The following ERBB4 variants were observed in gnomAD, a reference collection of about 807,000 sequenced individuals.
ERBB4 encodes erb-b2 receptor tyrosine kinase 4, also known as receptor tyrosine-protein kinase erbB-4.
A neutral mutation model predicts 158.0 loss-of-function variants in ERBB4; 42 were observed. The ratio of observed to expected loss-of-function variants is 0.27; its 90% CI spans 0.21 to 0.34. The LOEUF is 0.34. Ranked by LOEUF, ERBB4 falls within the 10% of genes least tolerant of loss-of-function variation. ERBB4 has a pLI of 1.00. For missense variants in ERBB4, 1,333 were observed against 1,624.1 expected (o/e 0.82, Z 3.08); for synonymous variants, 583 against 558.7 (o/e 1.04, Z -0.61).
chr2:212,439,663 G>T (rs745567441), intron 1 of ERBB4, among the ~76,000 whole-genome samples: 1 of 152,050 alleles, frequency 6.6e-6, no homozygotes, highest in African/African-American at 2.4e-5. Context: ...ACAATAATGC[G>T]ATACAAAGTT....
At chr2:212,285,806 AG>A (rs1460251948) in intron 1 of ERBB4, among the ~76,000 whole-genome samples, 1 of 152,170 alleles carries the variant, frequency 6.6e-6, no homozygotes, top group East Asian at 1.9e-4. Context: ...TTGGTATTCG[AG>A]TAGAATAGAT....
At chr2:211,954,942 T>C (rs764607772) in intron 2 of ERBB4, among the ~76,000 whole-genome samples, 6 of 152,066 alleles carry the variant, frequency 3.9e-5, no homozygotes, top group African/African-American at 7.2e-5. Context: ...GTAGAGATAG[T>C]ATGTTTGCTT....
chr2:211,377,946 C>G lies in ERBB4; in HGVS notation c.*5669G>C, dbSNP rs2062507238. On this transcript the variant is annotated 3_prime_UTR_variant, in exon 28 of 28. Transcript: ENST00000342788. ...TTTGATAGTTCACTTAAACAGTGTC[C>G]AAATTGCTAGAATCTCTTATGAAAA... 1 of 232,648 alleles carries G rather than the reference C, an allele frequency of 4.3e-6. No homozygotes were observed. The highest frequency in any genetic ancestry group is 5.6e-5 in the Admixed American group (1 of 17,722). 14.4% of individuals were successfully genotyped at this position (232,648 alleles called of 1,614,324 possible).
intron 2 of ERBB4, among the ~76,000 whole-genome samples, chr2:212,002,677 T>A (rs1043499316): frequency 6.6e-6 from 1 of 151,964 alleles, no homozygotes; most frequent in Middle Eastern, 3.4e-3. Flanking sequence ...ACACAGTAAA[T>A]AATATTGAGG....
chr2:212,001,991 G>A (rs188478420), intron 2 of ERBB4, among the ~76,000 whole-genome samples: 18 of 152,156 alleles, frequency 1.2e-4, no homozygotes, highest in Admixed American at 6.5e-4. Flanking sequence ...TAATTTTGGC[G>A]TACATTTATG....
chr2:212,003,876 T>C (rs1300919945), intron 2 of ERBB4, among the ~76,000 whole-genome samples: 1 of 152,116 alleles, frequency 6.6e-6, no homozygotes, highest in East Asian at 1.9e-4. Context: ...TTATATATTT[T>C]CTCTAAGCTC....
At chr2:211,486,872 T>C (rs547124728) in intron 20 of ERBB4, among the ~76,000 whole-genome samples, 1 of 152,254 alleles carries the variant, frequency 6.6e-6, no homozygotes, top group African/African-American at 2.4e-5. Flanking sequence ...AAGTTAGTTT[T>C]GTTTTATTCA....
At chr2:211,680,384 G>C (rs2072284996) in intron 12 of ERBB4, among the ~76,000 whole-genome samples, 1 of 152,150 alleles carries the variant, frequency 6.6e-6, no homozygotes, top group Non-Finnish European at 1.5e-5. Context: ...TGAGGTATTT[G>C]AAACACAACT....
chr2:212,050,712 G>A (rs16847587), intron 2 of ERBB4, among the ~76,000 whole-genome samples: 1 of 152,070 alleles, frequency 6.6e-6, no homozygotes, highest in Non-Finnish European at 1.5e-5. Context: ...GAAAATAAAT[G>A]GACTGCACAC....
chr2:212,171,398 C>G (rs1439300117), intron 1 of ERBB4, among the ~76,000 whole-genome samples: 2 of 151,636 alleles, frequency 1.3e-5, no homozygotes, highest in Non-Finnish European at 2.9e-5. Flanking sequence ...TGGACTTGGA[C>G]TTTTGTATTA....
intron 1 of ERBB4, among the ~76,000 whole-genome samples, chr2:212,466,014 A>T (rs1049167527): frequency 6.6e-6 from 1 of 151,536 alleles, no homozygotes; most frequent in African/African-American, 2.4e-5. Context: ...TATAAGAACC[A>T]GAGCCACCAA....
At chr2:212,318,310 T>C (rs1307263207) in intron 1 of ERBB4, among the ~76,000 whole-genome samples, 1 of 151,620 alleles carries the variant, frequency 6.6e-6, no homozygotes, top group African/African-American at 2.4e-5. Flanking sequence ...AGTTATCTGA[T>C]ATAATTACTG....
chr2:211,875,025 C>CAAAAAAAAAAAAAAAA lies in ERBB4; in HGVS notation c.421+72389_421+72404dup, dbSNP rs746636278. ...TATTGTCATGCTTCAAATAGAAATG[C>CAAAAAAAAAAAAAAAA]AAAAAAAAAAAAAAAAAAAAAAAAA... On this transcript the variant is annotated intron_variant, in intron 3 of 27. Transcript: ENST00000342788. Among the ~76,000 whole-genome samples the CAAAAAAAAAAAAAAAA allele has an allele frequency of 2.6e-4, 7 of 26,998 alleles. 1 individual carries two copies. The highest frequency in any genetic ancestry group is 7.4e-4 in the African/African-American group (5 of 6,798). 17.7% of individuals were successfully genotyped at this position (26,998 alleles called of 152,430 possible). A position where few individuals can be genotyped will look rare whatever the true frequency, so the allele number is the denominator to read the frequency against.
At chr2:211,816,143 T>A (rs960194293) in intron 3 of ERBB4, among the ~76,000 whole-genome samples, 3 of 152,172 alleles carry the variant, frequency 2.0e-5, no homozygotes, top group Admixed American at 6.5e-5. Flanking sequence ...ACTCCCTTTT[T>A]TATATCCTGT....
At chr2:211,619,469 A>G (rs888591311) in intron 18 of ERBB4, among the ~76,000 whole-genome samples, 194 bp from the exon 19 acceptor site, 7 of 152,118 alleles carry the variant, frequency 4.6e-5, no homozygotes, top group Non-Finnish European at 1.0e-4. Context: ...ATGATTACAT[A>G]TATAGAATAT....
rs1229268256 is a variant in ERBB4, at chr2:211,861,124, T to TTATATATATATATTTTATATATATA, written c.422-72966_422-72965insTATATATATAAAATATATATATATA. Among the ~76,000 whole-genome samples, 28 of 20,260 alleles carry TTATATATATATATTTTATATATATA rather than the reference T, an allele frequency of 1.4e-3. 1 individual carries two copies. The highest frequency in any genetic ancestry group is 3.6e-3 in the South Asian group (2 of 554). The allele number at this position is 20,260 out of a possible 152,430, so 13.3% of individuals were successfully genotyped here. Reference sequence around the variant, plus strand: ...CATTATATATATTTATATATATATTTTATATATATATATATATATATATAT... The same window carrying TTATATATATATATTTTATATATATA: ...CATTATATATATTTATATATATATTTTATATATATATATTTTATATATATATATATATATATATATATATATATAT... On this transcript the variant is annotated intron_variant, in intron 3 of 27. Transcript: ENST00000342788.
Position 211,812,248 on chromosome 2 carries a change from C to A in ERBB4, c.422-24089G>T, listed in dbSNP as rs1344890092. On this transcript the variant is annotated intron_variant, in intron 3 of 27. Coordinates refer to ENST00000342788, the MANE Select transcript of ERBB4 (RefSeq NM_005235.3). Reference sequence around the variant, plus strand: ...CTTTTTGTTGATGTTGATGCTATTCCTTTCTGTTTATTAGTTTTCCAACAG... The same window carrying A: ...CTTTTTGTTGATGTTGATGCTATTCATTTCTGTTTATTAGTTTTCCAACAG... Among the ~76,000 whole-genome samples the A allele has an allele frequency of 2.0e-5, 3 of 152,250 alleles. No individual in the cohort carries two copies. In the South Asian group the frequency reaches 6.2e-4, roughly 32 times the overall value.
At chr2:211,720,960 C>A (rs568702268) in intron 7 of ERBB4, among the ~76,000 whole-genome samples, 1 of 152,320 alleles carries the variant, frequency 6.6e-6, no homozygotes, top group African/African-American at 2.4e-5. Context: ...TATCTCAACA[C>A]CACAAAATGG....
chr2:211,614,038 T>C (rs2069295058), intron 19 of ERBB4, among the ~76,000 whole-genome samples: 1 of 151,912 alleles, frequency 6.6e-6, no homozygotes, highest in Admixed American at 6.6e-5. Context: ...TCAACAGATG[T>C]AGGAATAAAG....
Sources: gnomAD v4.1 joint callset for allele counts (sites outside exome capture counted in the v4.1 genomes callset) on GRCh38, gnomAD v4.1.1 for gene constraint, MANE v1.5 for transcripts, NCBI Gene and HGNC (gene_info 2026-07-23, HGNC 2026-07-21) for gene names.